SLC27A1: variants seen among roughly 807,000 people sequenced by gnomAD.
The protein encoded by SLC27A1 is long-chain fatty acid transport protein 1.
SLC27A1 carries 61 observed loss-of-function variants against 62.2 expected under a neutral mutation model. The observed-to-expected ratio is 0.98, with a 90% CI of 0.80 to 1.21. SLC27A1 has a LOEUF of 1.21. SLC27A1 is among the 50% of genes most tolerant of loss of function. The probability of loss-of-function intolerance (pLI) is 0.00; values close to 1 mark genes in which losing one functional copy is unlikely to be tolerated. For missense variants in SLC27A1, 903 were observed against 932.1 expected (o/e 0.97, Z 0.41); for synonymous variants, 435 against 408.6 (o/e 1.06, Z -0.78).
At chr19:17,502,836 C>T (rs906247941) in intron 11 of SLC27A1, among the ~76,000 whole-genome samples, 2 of 151,584 alleles carry the variant, frequency 1.3e-5, no homozygotes, top group South Asian at 2.1e-4. Context: ...CAGGCAGGCA[C>T]CACCATGCCT....
chr19:17,497,830 G>A (rs1295856319), intron 7 of SLC27A1: 1 of 277,450 alleles, frequency 3.6e-6, no homozygotes, highest in Non-Finnish European at 6.9e-6. Context: ...TGTTGTTTGA[G>A]ACAGAGTCTC....
rs759977359 is a variant in SLC27A1 at position 17,500,693 on chromosome 19, C to T, written c.1472-19C>T. On this transcript the variant is annotated intron_variant, in intron 9 of 11. Coordinates refer to ENST00000252595, the MANE Select transcript of SLC27A1 (RefSeq NM_198580.3). ...CGGATGGGGATCCTCCACCCATCTG[C>T]CCCTCTCCCCTCTGCCAGGTGACGT... 6.2e-7 allele frequency: 1 copy of T among 1,614,004 alleles called. No homozygotes were observed. The highest frequency in any genetic ancestry group is 8.5e-7 in the Non-Finnish European group (1 of 1,179,916).
rs1306848970 is a variant in SLC27A1 at position 17,489,147 on chromosome 19, C to T, written c.996+30C>T. The T allele has an allele frequency of 2.5e-6, 4 of 1,582,316 alleles. No homozygotes were observed. The South Asian group carries it at 3.4e-5, about 13-fold the overall frequency. ...GGCCCTGCCCTGTTCTGTCTAGACC[C>T]CGCCCCTCCCAGCCAGGCCTCACCC... On this transcript the variant is annotated intron_variant, in intron 6 of 11. Transcript: ENST00000252595.
chr19:17,485,193 T>TTTTTC (rs1396606760), intron 1 of SLC27A1, among the ~76,000 whole-genome samples: 1 of 93,708 alleles, frequency 1.1e-5, no homozygotes, highest in Non-Finnish European at 2.1e-5. Flanking sequence ...TTTGTTTCCT[T>TTTTTC]TTTTTTTTTT....
At chr19:17,478,095 A>G (rs966199016) in intron 1 of SLC27A1, among the ~76,000 whole-genome samples, 6 of 152,118 alleles carry the variant, frequency 3.9e-5, no homozygotes, top group Admixed American at 2.0e-4. Flanking sequence ...TATTTTCTCC[A>G]TGAGGCACAT....
rs1429180606 is a variant in SLC27A1 at position 17,487,251 on chromosome 19, T to C, written c.640T>C (p.Leu214=). Residue 214 remains leucine (L), a synonymous_variant, in exon 3 of 12, where the codon TTG becomes CTG. Transcript: ENST00000252595. ...TGGAGACTTGGGGCCCGAGGGCATC[T>C]TGCCGGACACCCACCTCCTGGACCC... ...CSGDLGPEGI[L]PDTHLLDPLL... The C allele has an allele frequency of 1.2e-6, 2 of 1,614,018 alleles. No homozygotes were observed. Among genetic ancestry groups the C allele is most frequent in the East Asian group, 2.2e-5 (1 of 44,870 alleles).
intron 6 of SLC27A1, among the ~76,000 whole-genome samples, chr19:17,490,415 A>G (rs1280783159): frequency 6.6e-6 from 1 of 152,130 alleles, no homozygotes. Flanking sequence ...CGGACTCCCA[A>G]AGTGCTGGGA....
chr19:17,494,985 T>TC (rs1486834506), intron 6 of SLC27A1, among the ~76,000 whole-genome samples: 2 of 151,020 alleles, frequency 1.3e-5, no homozygotes, highest in Non-Finnish European at 3.0e-5. Flanking sequence ...CCTTTTTTTT[T>TC]TTTCTGAGGC....
intron 1 of SLC27A1, among the ~76,000 whole-genome samples, chr19:17,477,240 CT>C (rs1221324202): frequency 0.013 from 584 of 43,674 alleles, 1 homozygote; most frequent in African/African-American, 0.044. Context: ...ATGAGCAGCG[CT>C]TTTTTTTTTT....
At chr19:17,499,648 A>C (rs1311168650) in intron 7 of SLC27A1, among the ~76,000 whole-genome samples, 2 of 65,572 alleles carry the variant, frequency 3.1e-5, no homozygotes, top group Admixed American at 1.3e-4. Flanking sequence ...TCTACTAAAA[A>C]TACAAAAAAA....
intron 11 of SLC27A1, among the ~76,000 whole-genome samples, 181 bp downstream of exon 11, chr19:17,501,600 G>A (rs2075413941): frequency 6.6e-6 from 1 of 151,414 alleles, no homozygotes; most frequent in African/African-American, 2.4e-5. Context: ...TGAGGAGATC[G>A]AGAGCATCCC....
Position 17,486,928 on chromosome 19 carries a change from C to A in SLC27A1, c.533C>A (p.Ala178Asp). 6.3e-7 allele frequency: 1 copy of A among 1,587,536 alleles called. No homozygotes were observed. The highest frequency in any genetic ancestry group is 8.5e-7 in the Non-Finnish European group (1 of 1,174,116). ...AFCLGTSGAK[A>D]LIFGGEMVAA... is the part of the protein sequence containing the mutation. ...TGCCTGGGCACCTCGGGCGCTAAGGCCCTGATCTTTGGAGGAGAAATGGTG... is the reference window on the plus strand; with the variant it reads ...TGCCTGGGCACCTCGGGCGCTAAGGACCTGATCTTTGGAGGAGAAATGGTG... Residue 178 changes from alanine (A) to aspartate (D), a missense_variant, in exon 2 of 12, where the codon GCC (alanine) becomes GAC (aspartate). Ala to Asp is a moderately radical substitution (Grantham distance 126). Transcript: ENST00000252595. The surrounding 1 kb of genome is among the most constrained non-coding windows in gnomAD (Gnocchi z 6.6).
rs1268552042 is a variant in SLC27A1 at position 17,500,335 on chromosome 19, G to A, written c.1264G>A (p.Val422Met). ...ILPHVYPIRL[V>M]KVNEDTMELL... ...GCCCCACGTGTACCCCATCCGGCTGGTGAAGGTCAATGAGGACACAATGGA... is the reference window on the plus strand; with the variant it reads ...GCCCCACGTGTACCCCATCCGGCTGATGAAGGTCAATGAGGACACAATGGA... The change falls in exon 8 of 12, where the codon GTG (valine) becomes ATG (methionine). Residue 422 changes from valine to methionine, a missense_variant. Coordinates refer to ENST00000252595, the MANE Select transcript of SLC27A1 (RefSeq NM_198580.3). The A allele has an allele frequency of 6.2e-7, 1 of 1,614,224 alleles. No individual in the cohort carries two copies. The highest frequency in any genetic ancestry group is 2.2e-5 in the East Asian group (1 of 44,886).
intron 7 of SLC27A1, among the ~76,000 whole-genome samples, chr19:17,499,714 G>A (rs1258106580): frequency 1.3e-5 from 2 of 152,004 alleles, no homozygotes; most frequent in African/African-American, 4.8e-5. Context: ...TCAGGAGGCT[G>A]AGGCATAAGA....
chr19:17,488,678 C>T, intron 4 of SLC27A1, 170 bp from the exon 5 acceptor site: 1 of 638,538 alleles, frequency 1.6e-6, no homozygotes, highest in South Asian at 1.8e-5. Context: ...CCTCGTGACA[C>T]CTAACACCAC....
At chr19:17,484,762 G>A (rs2075212193) in intron 1 of SLC27A1, among the ~76,000 whole-genome samples, 2 of 152,230 alleles carry the variant, frequency 1.3e-5, no homozygotes, top group African/African-American at 4.8e-5. Flanking sequence ...ATGACCGAGA[G>A]GATGAATGAA....
chr19:17,482,171 G>A (rs1414294366), intron 1 of SLC27A1, among the ~76,000 whole-genome samples: 2 of 152,186 alleles, frequency 1.3e-5, no homozygotes, highest in Non-Finnish European at 1.5e-5. Context: ...AGTATAGGGA[G>A]GGACAGACCA....
At chr19:17,493,336 G>A (rs1436086438) in intron 6 of SLC27A1, among the ~76,000 whole-genome samples, 1 of 143,874 alleles carries the variant, frequency 7.0e-6, no homozygotes, top group East Asian at 2.1e-4. Context: ...GCTGAGGCAG[G>A]AGAATCGTTT....
At position 17,500,484 on chromosome 19, in the gene SLC27A1, C is replaced by A; in HGVS notation, c.1334-11C>A. 6.2e-7 allele frequency: 1 copy of A among 1,613,372 alleles called. No individual in the cohort carries two copies. Among genetic ancestry groups the A allele is most frequent in the Non-Finnish European group, 8.5e-7 (1 of 1,179,618 alleles). Reference sequence around the variant, plus strand: ...CTGCCTAGCGCAGCCTGAACATGGCCTTCTCCCTAGGGGAGCCTGGCCTCC... The same window carrying A: ...CTGCCTAGCGCAGCCTGAACATGGCATTCTCCCTAGGGGAGCCTGGCCTCC... On this transcript the variant is annotated splice_polypyrimidine_tract_variant and intron_variant, in intron 8 of 11. Transcript: ENST00000252595.
Sources: allele counts gnomAD v4.1 joint callset (sites outside exome capture counted in the v4.1 genomes callset), GRCh38; gene constraint gnomAD v4.1.1; non-coding constraint Gnocchi (gnomAD v3.1); transcripts MANE v1.5; gene names NCBI Gene and HGNC (gene_info 2026-07-23, HGNC 2026-07-21).